BPNT2: variants seen among roughly 807,000 people sequenced by gnomAD.
The protein encoded by BPNT2 is Golgi-resident adenosine 3',5'-bisphosphate 3'-phosphatase.
Under a neutral mutation model 29.3 loss-of-function variants are expected in BPNT2, and 11 were observed. The observed-to-expected ratio is 0.38, with a 90% confidence interval of 0.24 to 0.62. The LOEUF (loss-of-function observed/expected upper bound fraction) is 0.62, where lower values mean the gene tolerates loss of function less well. Among genes scored for constraint, BPNT2 ranks in the 20% least tolerant of loss-of-function variants. The pLI, the probability that BPNT2 is intolerant of heterozygous loss-of-function variation, is 0.62. For missense variants in BPNT2, 459 were observed against 473.4 expected, an observed-to-expected ratio of 0.97 and a Z score of 0.28; for synonymous variants, 195 against 187.7, an observed-to-expected ratio of 1.04 and a Z score of -0.32.
Position 56,993,544 on chromosome 8 carries a change from T to C in BPNT2, c.42A>G (p.Ala14=). 1 of 1,486,558 alleles carries C rather than the reference T, an allele frequency of 6.7e-7. No homozygotes were observed. Among genetic ancestry groups the C allele is most frequent in the South Asian group, 1.3e-5 (1 of 77,334 alleles). 92.1% of individuals were successfully genotyped at this position (1,486,558 alleles called of 1,614,324 possible). A position where few individuals can be genotyped will look rare whatever the true frequency, so the allele number is the denominator to read the frequency against. Residue 14 remains alanine (A), a synonymous_variant, in exon 1 of 5, where the codon GCA becomes GCG. Transcript: ENST00000262644. ...MGIRLSPLGV[A]VFCLLGLGVL... ...CGCCGAGCCCCAGCAGGCAAAACAC[T>C]GCCACCCCCAGTGGGGAAAGGCGGA...
chr8:56,993,712 C>G lies in BPNT2; in HGVS notation c.-127G>C, dbSNP rs1402029774. 185 of 995,244 alleles carry G rather than the reference C, an allele frequency of 1.9e-4. 1 individual carries two copies. Among genetic ancestry groups the G allele is most frequent in the Non-Finnish European group, 2.2e-4 (183 of 833,402 alleles). 61.7% of individuals were successfully genotyped at this position (995,244 alleles called of 1,614,324 possible). A position where few individuals can be genotyped will look rare whatever the true frequency, so the allele number is the denominator to read the frequency against. On this transcript the variant is annotated 5_prime_UTR_variant, in exon 1 of 5. Coordinates refer to ENST00000262644, the MANE Select transcript of BPNT2 (RefSeq NM_017813.5). Reference sequence around the variant, plus strand: ...GGCTACACTGGCGCCCGCTCCCCGGCCCCGGTGCGCCCCATCACTCCCTCC... The same window carrying G: ...GGCTACACTGGCGCCCGCTCCCCGGGCCCGGTGCGCCCCATCACTCCCTCC...
chr8:56,972,471 A>T (rs1806055941), intron 3 of BPNT2, among the ~76,000 whole-genome samples: 1 of 152,238 alleles, frequency 6.6e-6, no homozygotes, highest in Non-Finnish European at 1.5e-5. Flanking sequence ...CCATTGCTGA[A>T]GCTACACACC....
intron 3 of BPNT2, among the ~76,000 whole-genome samples, chr8:56,972,958 T>G (rs1806063361): frequency 6.6e-6 from 1 of 152,200 alleles, no homozygotes; most frequent in Admixed American, 6.5e-5. Context: ...TCTACTGTTT[T>G]GTATAATGCA....
At chr8:56,975,466 T>C (rs1017353188) in intron 3 of BPNT2, among the ~76,000 whole-genome samples, 4 of 152,174 alleles carry the variant, frequency 2.6e-5, no homozygotes, top group African/African-American at 9.7e-5. Context: ...ATGCCTGTTT[T>C]TTTAATTAAA....
chr8:56,985,855 A>C (rs1386890497), intron 1 of BPNT2, among the ~76,000 whole-genome samples: 3 of 152,228 alleles, frequency 2.0e-5, no homozygotes, highest in Non-Finnish European at 4.4e-5. Flanking sequence ...GGCCAGCAGA[A>C]TATAGACAAA....
chr8:56,983,809 A>G (rs1231949582), intron 1 of BPNT2, among the ~76,000 whole-genome samples: 1 of 152,136 alleles, frequency 6.6e-6, no homozygotes, highest in Non-Finnish European at 1.5e-5. Context: ...TGAAAATTAC[A>G]TGGTAGAACA....
At chr8:56,971,533 A>C (rs1806031098) in intron 3 of BPNT2, among the ~76,000 whole-genome samples, 1 of 152,154 alleles carries the variant, frequency 6.6e-6, no homozygotes, top group Non-Finnish European at 1.5e-5. Flanking sequence ...GCCTAGAAAT[A>C]TTAAAAATTT....
At chr8:56,972,736 TAGCAGCTTCTACCAACCAAG>T (rs893496363) in intron 3 of BPNT2, among the ~76,000 whole-genome samples, 1 of 151,408 alleles carries the variant, frequency 6.6e-6, no homozygotes, top group African/African-American at 2.4e-5. Flanking sequence ...ATAACAGGAG[TAGCAGCTTCTACCAACCAAG>T]AGGCAGCAGA....
Position 56,962,030 on chromosome 8 carries a change from C to T in BPNT2, c.*1763G>A, listed in dbSNP as rs192246473. ...AACAGCATATACCTTTGCCATCTCT[C>T]CTGAAAAAGAAAGTTTCTTCAGCTT... On this transcript the variant is annotated 3_prime_UTR_variant, in exon 5 of 5. Coordinates refer to ENST00000262644, the MANE Select transcript of BPNT2 (RefSeq NM_017813.5). 128 of 152,206 alleles carry T rather than the reference C, an allele frequency of 8.4e-4. No individual in the cohort carries two copies. The highest frequency in any genetic ancestry group is 3.0e-3 in the African/African-American group (124 of 41,526). 9.4% of individuals were successfully genotyped at this position (152,206 alleles called of 1,614,324 possible).
Position 56,963,132 on chromosome 8 carries a change from A to C in BPNT2, c.*661T>G, listed in dbSNP as rs914190593. Reference sequence around the variant, plus strand: ...AACACACTTTTCTTTATAAAAACAAAACAACACACACACATACACACAGAA... The same window carrying C: ...AACACACTTTTCTTTATAAAAACAACACAACACACACACATACACACAGAA... On this transcript the variant is annotated 3_prime_UTR_variant, in exon 5 of 5. Transcript: ENST00000262644. The C allele has an allele frequency of 6.6e-6, 1 of 152,250 alleles. No homozygotes were observed. The highest frequency in any genetic ancestry group is 1.5e-5 in the Non-Finnish European group (1 of 68,042). 9.4% of individuals were successfully genotyped at this position (152,250 alleles called of 1,614,324 possible). A position where few individuals can be genotyped will look rare whatever the true frequency, so the allele number is the denominator to read the frequency against.
At chr8:56,970,387 T>C (rs941944022) in intron 3 of BPNT2, among the ~76,000 whole-genome samples, 1 of 152,150 alleles carries the variant, frequency 6.6e-6, no homozygotes, top group African/African-American at 2.4e-5. Flanking sequence ...AATAAAGAAG[T>C]TAAATGACAC....
At chr8:56,986,723 C>G (rs781452044) in intron 1 of BPNT2, among the ~76,000 whole-genome samples, 2 of 152,196 alleles carry the variant, frequency 1.3e-5, no homozygotes, top group African/African-American at 4.8e-5. Flanking sequence ...AATCATCTAA[C>G]ACAAAGCCTA....
At position 56,978,566 on chromosome 8, in the gene BPNT2, C is replaced by T. The variant is rs112091574; in HGVS notation, c.551-421G>A. Among the ~76,000 whole-genome samples, 695 of 151,862 alleles carry T rather than the reference C, an allele frequency of 4.6e-3. 6 individuals are homozygous for T. The highest frequency in any genetic ancestry group is 0.016 in the African/African-American group (661 of 41,424). On this transcript the variant is annotated intron_variant, in intron 2 of 4. Transcript: ENST00000262644. ...CTGGTCCAAAAGAATATAAATCATT[C>T]TATTATAAAGACACATGCATGTGTA...
intron 3 of BPNT2, among the ~76,000 whole-genome samples, chr8:56,969,518 G>C (rs1025116748): frequency 1.3e-5 from 2 of 152,110 alleles, no homozygotes; most frequent in Middle Eastern, 3.2e-3. Flanking sequence ...CTCATACTTG[G>C]CTGATAAAAG....
chr8:56,990,219 G>A (rs2129206966), intron 1 of BPNT2, among the ~76,000 whole-genome samples: 1 of 152,300 alleles, frequency 6.6e-6, no homozygotes, highest in East Asian at 1.9e-4. Flanking sequence ...ATAAGTCATT[G>A]TCAAAACTTT....
chr8:56,963,846 G>A lies in BPNT2; in HGVS notation c.1027C>T (p.His343Tyr). Residue 343 changes from histidine (H) to tyrosine (Y), a missense_variant, in exon 5 of 5, where the codon CAC (histidine) becomes TAC (tyrosine). His to Tyr is a moderately conservative substitution (Grantham distance 83). Transcript: ENST00000262644. Reference sequence around the variant, plus strand: ...GGGAGTTTTCTGACCAGGGCCTGGTGGTTCATTCTGATGCTAGCAAGGAGT... The same window carrying A: ...GGGAGTTTTCTGACCAGGGCCTGGTAGTTCATTCTGATGCTAGCAAGGAGT... ...GGLLASIRMN[H>Y]QALVRKLPDL... 1 of 1,614,108 alleles carries A rather than the reference G, an allele frequency of 6.2e-7. No individual in the cohort carries two copies. The highest frequency in any genetic ancestry group is 8.5e-7 in the Non-Finnish European group (1 of 1,180,004).
intron 3 of BPNT2, among the ~76,000 whole-genome samples, chr8:56,976,757 C>T (rs1192813649): frequency 6.6e-6 from 1 of 152,120 alleles, no homozygotes; most frequent in Non-Finnish European, 1.5e-5. Context: ...CACAGACAGC[C>T]TTTTTATGCA....
intron 3 of BPNT2, among the ~76,000 whole-genome samples, chr8:56,968,387 A>AC (rs1563405714): frequency 6.7e-6 from 1 of 149,118 alleles, no homozygotes; most frequent in Non-Finnish European, 1.5e-5. Context: ...AAAGTGATAG[A>AC]TTAAAAAAAA....
At chr8:56,978,237 T>A in intron 2 of BPNT2, 92 bp from the exon 3 acceptor site, 3 of 837,184 alleles carry the variant, frequency 3.6e-6, no homozygotes, top group South Asian at 2.7e-5. Context: ...CATTAAAAAA[T>A]TTATATACAT....
Sources: allele counts gnomAD v4.1 joint callset (sites outside exome capture counted in the v4.1 genomes callset), GRCh38; gene constraint gnomAD v4.1.1; transcripts MANE v1.5; gene names NCBI Gene and HGNC (gene_info 2026-07-23, HGNC 2026-07-21).